Variants in TPTE observed in about 807,000 individuals in gnomAD.
TPTE encodes putative tyrosine-protein phosphatase TPTE.
In TPTE, 59 loss-of-function variants were observed where a neutral mutation model predicts 84.1. The ratio of observed to expected loss-of-function variants is 0.70; its 90% CI spans 0.57 to 0.87. The LOEUF (loss-of-function observed/expected upper bound fraction) is 0.87, where lower values mean the gene tolerates loss of function less well. Among genes scored for constraint, TPTE ranks in the 40% least tolerant of loss-of-function variants. TPTE has a pLI of 0.00. For synonymous variants in TPTE, 130 were observed against 223.5 expected (o/e 0.58, Z 3.73); for missense variants, 382 against 659.6 (o/e 0.58, Z 4.61).
Position 10,561,608 on chromosome 21 carries a change from A to G in TPTE, c.446+417A>G, listed in dbSNP as rs1272762621. Reference sequence around the variant, plus strand: ...GTGGTAGTCTGGCAGTACCCCCCCCATGTCCTGTGTTTGAGGTGGCCATGG... The same window carrying G: ...GTGGTAGTCTGGCAGTACCCCCCCCGTGTCCTGTGTTTGAGGTGGCCATGG... On this transcript the variant is annotated intron_variant, in intron 10 of 23. Coordinates refer to ENST00000618007, the MANE Select transcript of TPTE (RefSeq NM_199261.4). 2.6e-5 allele frequency among the ~76,000 whole-genome samples: 4 copies of G among 152,294 alleles called. No individual in the cohort carries two copies. In the East Asian group the frequency reaches 5.8e-4, roughly 22 times the overall value.
chr21:10,543,255 A>G lies in TPTE; in HGVS notation c.120-74A>G, dbSNP rs2074403568. 22 of 1,517,450 alleles carry G rather than the reference A, an allele frequency of 1.4e-5. No homozygotes were observed. The South Asian group carries it at 2.2e-4, about 15-fold the overall frequency. The allele number at this position is 1,517,450 out of a possible 1,614,324, so 94.0% of individuals were successfully genotyped here. On this transcript the variant is annotated intron_variant, in intron 6 of 23. Transcript: ENST00000618007. ...CACCTTGTTAGCCAGGATGGTCTCA[A>G]TCTCCTGACCTCATGATCCACCCGC...
intron 19 of TPTE, among the ~76,000 whole-genome samples, chr21:10,592,805 GGTGTGT>G (rs4041809): frequency 1.7e-4 from 25 of 148,842 alleles, no homozygotes; most frequent in Non-Finnish European, 2.7e-4. Context: ...GATGACTCCT[GGTGTGT>G]GTGTGTGTGT....
At chr21:10,582,133 C>T (rs1238590345) in intron 17 of TPTE, among the ~76,000 whole-genome samples, 11 of 152,282 alleles carry the variant, frequency 7.2e-5, no homozygotes, top group African/African-American at 2.2e-4. Flanking sequence ...CCCCCCTATA[C>T]TGATGTAGTA....
intron 7 of TPTE, among the ~76,000 whole-genome samples, chr21:10,551,384 A>G (rs531276908): frequency 6.6e-6 from 1 of 152,422 alleles, no homozygotes; most frequent in African/African-American, 2.4e-5. Flanking sequence ...ATGTATACAT[A>G]TGTAACAAAC....
chr21:10,524,328 C>T (rs1157564669), intron 1 of TPTE, among the ~76,000 whole-genome samples: 1 of 152,304 alleles, frequency 6.6e-6, no homozygotes, highest in Non-Finnish European at 1.5e-5. Flanking sequence ...GCTGGGGGGA[C>T]CACTAATTGA....
intron 10 of TPTE, among the ~76,000 whole-genome samples, chr21:10,566,749 G>C (rs1314035655): frequency 6.6e-6 from 1 of 152,310 alleles, no homozygotes; most frequent in African/African-American, 2.4e-5. Context: ...GGCTGAGGTG[G>C]GCAGATCACC....
chr21:10,525,395 A>C (rs1336684955), intron 2 of TPTE, among the ~76,000 whole-genome samples: 1 of 152,306 alleles, frequency 6.6e-6, no homozygotes, highest in South Asian at 2.1e-4. Flanking sequence ...TCCTATCTCC[A>C]GGAACGTTTA....
At chr21:10,585,885 A>G (rs1223096333) in intron 17 of TPTE, among the ~76,000 whole-genome samples, 1 of 152,304 alleles carries the variant, frequency 6.6e-6, no homozygotes, top group Non-Finnish European at 1.5e-5. Flanking sequence ...ATTGTTCACA[A>G]TATCATTTTA....
At chr21:10,588,472 C>G (rs1381899144) in intron 17 of TPTE, among the ~76,000 whole-genome samples, 31 of 152,346 alleles carry the variant, frequency 2.0e-4, no homozygotes, top group African/African-American at 7.2e-4. Context: ...CTTGGATAGT[C>G]TGGTGAGTAT....
intron 8 of TPTE, among the ~76,000 whole-genome samples, chr21:10,555,841 T>G (rs2074671755): frequency 6.6e-6 from 1 of 152,292 alleles, no homozygotes; most frequent in Non-Finnish European, 1.5e-5. Flanking sequence ...AATTATACCA[T>G]TTTTTCCATC....
At chr21:10,535,790 G>A (rs1190750598) in intron 3 of TPTE, among the ~76,000 whole-genome samples, 2 of 152,298 alleles carry the variant, frequency 1.3e-5, no homozygotes, top group African/African-American at 4.8e-5. Context: ...ATGTGAGGCT[G>A]GTGCCCCAAA....
chr21:10,596,377 T>A (rs2075589679), intron 20 of TPTE, among the ~76,000 whole-genome samples: 3 of 152,308 alleles, frequency 2.0e-5, no homozygotes, highest in Non-Finnish European at 2.9e-5. Flanking sequence ...CCAGGCGGAC[T>A]TTTCCGGGCA....
At chr21:10,533,708 A>T (rs1182220527) in intron 3 of TPTE, among the ~76,000 whole-genome samples, 2 of 152,308 alleles carry the variant, frequency 1.3e-5, no homozygotes, top group Admixed American at 1.3e-4. Context: ...AGTAAGTTTA[A>T]AATGAAGAGA....
chr21:10,528,394 G>A (rs1483162908), intron 3 of TPTE, among the ~76,000 whole-genome samples: 2 of 152,308 alleles, frequency 1.3e-5, no homozygotes, highest in Non-Finnish European at 2.9e-5. Context: ...TGGGAAAATA[G>A]TTTTCTGGAC....
intron 20 of TPTE, among the ~76,000 whole-genome samples, chr21:10,597,370 G>T (rs554234931): frequency 2.0e-4 from 30 of 152,204 alleles, no homozygotes; most frequent in East Asian, 1.7e-3. Flanking sequence ...AGCAAGAAAG[G>T]TTGCAAAGGT....
intron 8 of TPTE, among the ~76,000 whole-genome samples, chr21:10,557,435 G>T (rs1267004757): frequency 1.3e-5 from 2 of 152,312 alleles, no homozygotes; most frequent in Non-Finnish European, 2.9e-5. Context: ...ACTTCTTCAT[G>T]CCTTCATAAT....
intron 10 of TPTE, among the ~76,000 whole-genome samples, chr21:10,566,404 C>G (rs1243073848): frequency 1.3e-5 from 2 of 152,312 alleles, no homozygotes. Flanking sequence ...ATACACTGTT[C>G]ATGGAAATGT....
In TPTE at chr21:10,596,644, A is replaced by G. The variant is rs2075594598; in HGVS notation, c.1276+557A>G. On this transcript the variant is annotated intron_variant, in intron 20 of 23. Transcript: ENST00000618007. ...AGCAGGATGTGTCTGTGTGGAAGGGATGGGGCCTCACCACTCCCACTGCCG... is the reference window on the plus strand; with the variant it reads ...AGCAGGATGTGTCTGTGTGGAAGGGGTGGGGCCTCACCACTCCCACTGCCG... Among the ~76,000 whole-genome samples, 3 of 152,296 alleles carry G rather than the reference A, an allele frequency of 2.0e-5. No individual in the cohort carries two copies. In the South Asian group the frequency reaches 6.2e-4, roughly 31 times the overall value.
At chr21:10,568,241 G>A (rs1410075699) in intron 11 of TPTE, among the ~76,000 whole-genome samples, 4 of 152,312 alleles carry the variant, frequency 2.6e-5, no homozygotes, top group Non-Finnish European at 4.4e-5. Context: ...ATAATGTTCT[G>A]TCTGGATTTT....
Sources: allele counts gnomAD v4.1 joint callset (sites outside exome capture counted in the v4.1 genomes callset), GRCh38; gene constraint gnomAD v4.1.1; transcripts MANE v1.5; gene names NCBI Gene and HGNC (gene_info 2026-07-23, HGNC 2026-07-21).